The following C1R variants were observed in gnomAD, a reference collection of about 807,000 sequenced individuals.
The protein encoded by C1R is complement C1r, also known as complement C1r subcomponent.
A neutral mutation model predicts 27.6 loss-of-function variants in C1R; 15 were observed. That is an observed-to-expected ratio of 0.54 (90% CI 0.36 to 0.84). The LOEUF (loss-of-function observed/expected upper bound fraction) is 0.84, where lower values mean the gene tolerates loss of function less well. C1R is among the 40% of genes least tolerant of loss of function. C1R has a pLI of 0.01. For missense variants in C1R, 544 were observed against 577.9 expected (o/e 0.94, Z 0.60); for synonymous variants, 253 against 228.8 (o/e 1.11, Z -0.95).
At position 7,088,744 on chromosome 12, in the gene C1R, C is replaced by G. The variant is rs773019875; in HGVS notation, c.917-13G>C. 3.9e-6 allele frequency: 3 copies of G among 777,224 alleles called. No homozygotes were observed. The highest frequency in any genetic ancestry group is 7.2e-6 in the Non-Finnish European group (3 of 416,634). The allele number at this position is 777,224 out of a possible 1,614,324, so 48.1% of individuals were successfully genotyped here. The stretch of plus-strand genomic sequence containing the variant: ...GGGCACTTGATGACTGTTGGGGAGA[C>G]CAGGGGGCATATTTATTTCAGAGCC... On this transcript the variant is annotated splice_polypyrimidine_tract_variant and intron_variant, in intron 6 of 10. Transcript: ENST00000647956.
chr12:7,090,333 G>A (rs146676945), intron 2 of C1R, 85 bp from the exon 3 acceptor site: 21 of 655,768 alleles, frequency 3.2e-5, no homozygotes, highest in Non-Finnish European at 4.8e-5. Flanking sequence ...TCCTTGTCTC[G>A]CCCAGAGTGC....
At chr12:7,089,053 G>C (rs1405468463) in intron 5 of C1R, 67 bp from the exon 6 acceptor site, 12 of 661,548 alleles carry the variant, frequency 1.8e-5, no homozygotes, top group Non-Finnish European at 3.3e-5. Context: ...CTGGGTAGTA[G>C]CCTGGTGGCC....
At position 7,081,185 on chromosome 12, in the gene C1R, C is replaced by T. The variant is rs1479129907; in HGVS notation, c.1465G>A (p.Gly489Arg). ...ATCCAGCGGTCGCCCAGCAGGGCCC[C>T]GCCCCCGCGCCCGTGGATGTTGGTG... ...VFTNIHGRGG[G>R]ALLGDRWILT... is the part of the protein sequence containing the mutation. The change falls in exon 11 of 11, where the codon GGG (glycine) becomes AGG (arginine). Residue 489 changes from glycine to arginine, a missense_variant. Around this residue, in one of 2 missense-constraint regions of C1R, gnomAD observed 253 missense variants for 368.9 expected, o/e 0.69. Transcript: ENST00000647956. 6 of 1,613,660 alleles carry T rather than the reference C, an allele frequency of 3.7e-6. No homozygotes were observed. The South Asian group carries it at 4.4e-5, about 12-fold the overall frequency.
Position 7,087,366 on chromosome 12 carries a change from ACT to A in C1R, c.1039-911_1039-910del, listed in dbSNP as rs376325088. The A allele has an allele frequency of 9.2e-4, 142 of 154,306 alleles. 1 individual carries two copies. The East Asian group carries it at 0.013, about 14-fold the overall frequency. 9.6% of individuals were successfully genotyped at this position (154,306 alleles called of 1,614,324 possible). A position where few individuals can be genotyped will look rare whatever the true frequency, so the allele number is the denominator to read the frequency against. On this transcript the variant is annotated intron_variant, in intron 7 of 10. Coordinates refer to ENST00000647956, the MANE Select transcript of C1R (RefSeq NM_001733.7). ...GCCACTGCCTGGGTGACAGAGCAAG[ACT>A]CTCTCTCAAAAACAAAACAAGACAA...
rs1434574558 is a variant in C1R, at chr12:7,091,267, C to G, written c.231+185G>C. On this transcript the variant is annotated intron_variant, in intron 2 of 10. Coordinates refer to ENST00000647956, the MANE Select transcript of C1R (RefSeq NM_001733.7). This position sits in a 1 kb window ranked among gnomAD's most constrained non-coding sequence, Gnocchi z 5.1. ...CCTTCCTTCTCTGTGCTTCTCCCCT[C>G]AGTGCTCACCGAGGGCCTCTACACC... 1.7e-6 allele frequency: 1 copy of G among 594,056 alleles called. No homozygotes were observed. The highest frequency in any genetic ancestry group is 3.0e-6 in the Non-Finnish European group (1 of 338,186). 36.8% of individuals were successfully genotyped at this position (594,056 alleles called of 1,614,324 possible). A position where few individuals can be genotyped will look rare whatever the true frequency, so the allele number is the denominator to read the frequency against.
intron 10 of C1R, among the ~76,000 whole-genome samples, chr12:7,081,545 T>C (rs920365608): frequency 4.6e-5 from 7 of 152,056 alleles, no homozygotes; most frequent in African/African-American, 1.7e-4. Flanking sequence ...TAGGCTGGCA[T>C]GCAGTGGCGC....
Position 7,091,295 on chromosome 12 carries a change from T to C in C1R, c.231+157A>G, listed in dbSNP as rs2135745227. On this transcript the variant is annotated intron_variant, in intron 2 of 10. Coordinates refer to ENST00000647956, the MANE Select transcript of C1R (RefSeq NM_001733.7). This position sits in a 1 kb window ranked among gnomAD's most constrained non-coding sequence, Gnocchi z 5.1. ...TGCTCACCGAGGGCCTCTACACCAG[T>C]GAGCGCCCATCCAGGGCATCCCCGG... is the stretch of plus-strand genomic sequence containing the variant. 1.6e-6 allele frequency: 1 copy of C among 627,258 alleles called. No homozygotes were observed. Among genetic ancestry groups the C allele is most frequent in the Admixed American group, 2.9e-5 (1 of 34,328 alleles). 38.9% of individuals were successfully genotyped at this position (627,258 alleles called of 1,614,324 possible). A position where few individuals can be genotyped will look rare whatever the true frequency, so the allele number is the denominator to read the frequency against.
At chr12:7,092,225 G>A in intron 1 of C1R, 162 bp downstream of exon 1, 1 of 684,940 alleles carries the variant, frequency 1.5e-6, no homozygotes, top group Non-Finnish European at 2.7e-6. Context: ...TCCCTAGGAG[G>A]AGGGATGGGG....
At position 7,080,540 on chromosome 12, in the gene C1R, C is replaced by T; in HGVS notation, c.2110G>A (p.Glu704Lys). 1 of 1,563,794 alleles carries T rather than the reference C, an allele frequency of 6.4e-7. No homozygotes were observed. Among genetic ancestry groups the T allele is most frequent in the East Asian group, 2.3e-5 (1 of 44,392 alleles). The change falls in exon 11 of 11, where the codon GAG (glutamate) becomes AAG (lysine). Residue 704 changes from glutamate (E) to lysine (K), a missense_variant. By Grantham distance (56) the Glu-to-Lys change is moderately conservative. Around this residue, in one of 2 missense-constraint regions of C1R, gnomAD observed 253 missense variants for 368.9 expected, o/e 0.69. Transcript: ENST00000647956. This position sits in a 1 kb window ranked among gnomAD's most constrained non-coding sequence, Gnocchi z 4.9. ...VDWIKKEMEE[E>K]D ...CCTAGTGAATTCTGGGCTCAGTCCT[C>T]CTCCTCCATCTCTTTCTTGATCCAG... is the stretch of plus-strand genomic sequence containing the variant.
rs2135737258 is a variant in C1R, at chr12:7,080,950, A to G, written c.1700T>C (p.Val567Ala). The part of the protein sequence containing the change: ...DIALLELENS[V>A]TLGPNLLPIC... ...GGGGAGGAGGTTGGGACCCAGGGTG[A>G]CACTATTTTCCAGCTCCAGCAGGGC... The change falls in exon 11 of 11, where the codon GTC becomes GCC. Residue 567 changes from valine (V) to alanine (A), a missense_variant. This residue lies in a region of C1R where 253 missense variants were observed against 368.9 expected (regional missense o/e 0.69). Coordinates refer to ENST00000647956, the MANE Select transcript of C1R (RefSeq NM_001733.7). This position sits in a 1 kb window ranked among gnomAD's most constrained non-coding sequence, Gnocchi z 4.9. 2 of 1,613,320 alleles carry G rather than the reference A, an allele frequency of 1.2e-6. No individual in the cohort carries two copies. Among genetic ancestry groups the G allele is most frequent in the East Asian group, 4.5e-5 (2 of 44,864 alleles).
chr12:7,091,138 G>A lies in C1R; in HGVS notation c.231+314C>T. On this transcript the variant is annotated intron_variant, in intron 2 of 10. Transcript: ENST00000647956. This position sits in a 1 kb window ranked among gnomAD's most constrained non-coding sequence, Gnocchi z 5.1. The stretch of plus-strand genomic sequence containing the variant: ...ATGTCAATCATTTCCTTGGAGACAG[G>A]GAAGCTGAGGCACAGTGGTTTCCCA... 1 of 347,932 alleles carries A rather than the reference G, an allele frequency of 2.9e-6. No homozygotes were observed. Among genetic ancestry groups the A allele is most frequent in the Non-Finnish European group, 5.3e-6 (1 of 189,810 alleles). 21.6% of individuals were successfully genotyped at this position (347,932 alleles called of 1,614,324 possible).
At chr12:7,082,004 A>G (rs1453319193) in intron 10 of C1R, 28 bp downstream of exon 10, 2 of 1,533,440 alleles carry the variant, frequency 1.3e-6, no homozygotes, top group Non-Finnish European at 1.7e-6. Context: ...AAAGACCCTG[A>G]TGATGGCCCC....
intron 2 of C1R, 175 bp from the exon 3 acceptor site, chr12:7,090,423 G>C (rs1938249403): frequency 1.0e-5 from 6 of 599,742 alleles, no homozygotes; most frequent in East Asian, 2.8e-5. Context: ...ACTTTCAGCT[G>C]TTCCCTGAGT....
At chr12:7,088,787 C>A in intron 6 of C1R, 52 bp downstream of exon 6, 1 of 774,272 alleles carries the variant, frequency 1.3e-6, no homozygotes, top group Non-Finnish European at 2.4e-6. Flanking sequence ...CTTCCTTCTT[C>A]CCCCCTTTTC....
intron 2 of C1R, 103 bp from the exon 3 acceptor site, chr12:7,090,351 A>G: frequency 1.6e-6 from 1 of 635,140 alleles, no homozygotes; most frequent in Non-Finnish European, 2.9e-6. Context: ...TGCATCATGC[A>G]CCACAATGGC....
In C1R at chr12:7,091,244, T is replaced by G; in HGVS notation, c.231+208A>C. 1.8e-6 allele frequency: 1 copy of G among 567,476 alleles called. No homozygotes were observed. Among genetic ancestry groups the G allele is most frequent in the South Asian group, 2.3e-5 (1 of 42,844 alleles). The allele number at this position is 567,476 out of a possible 1,614,324, so 35.2% of individuals were successfully genotyped here. The stretch of plus-strand genomic sequence containing the variant: ...AATTTCCTGAGTGGGTCCTGTCCCC[T>G]TCCTTCTCTGTGCTTCTCCCCTCAG... On this transcript the variant is annotated intron_variant, in intron 2 of 10. Coordinates refer to ENST00000647956, the MANE Select transcript of C1R (RefSeq NM_001733.7). The surrounding 1 kb of genome is among the most constrained non-coding windows in gnomAD (Gnocchi z 5.1).
In C1R at chr12:7,091,378, G is replaced by T. The variant is rs1358123219; in HGVS notation, c.231+74C>A. 4.3e-6 allele frequency: 3 copies of T among 702,216 alleles called. No individual in the cohort carries two copies. In the South Asian group the frequency reaches 4.6e-5, roughly 11 times the overall value. The allele number at this position is 702,216 out of a possible 1,614,324, so 43.5% of individuals were successfully genotyped here. On this transcript the variant is annotated intron_variant, in intron 2 of 10. Transcript: ENST00000647956. The surrounding 1 kb of genome is among the most constrained non-coding windows in gnomAD (Gnocchi z 5.1). The stretch of plus-strand genomic sequence containing the variant: ...GTGGGGCTGGGCTGTGTCTGGGGGT[G>T]TGCATGCCATACAGATCCCAGATCC...
In C1R at chr12:7,091,999, G is replaced by A. The variant is rs1199395761; in HGVS notation, c.3-319C>T. 1.9e-5 allele frequency: 11 copies of A among 571,254 alleles called. No individual in the cohort carries two copies. Among genetic ancestry groups the A allele is most frequent in the Middle Eastern group, 9.6e-4 (2 of 2,094 alleles). 35.4% of individuals were successfully genotyped at this position (571,254 alleles called of 1,614,324 possible). A position where few individuals can be genotyped will look rare whatever the true frequency, so the allele number is the denominator to read the frequency against. ...CAGGAATAGGACTGGCTTGGGACCA[G>A]TTAATGGAGGGTGAGGGTTTCCACC... On this transcript the variant is annotated intron_variant, in intron 1 of 10. Coordinates refer to ENST00000647956, the MANE Select transcript of C1R (RefSeq NM_001733.7). This position sits in a 1 kb window ranked among gnomAD's most constrained non-coding sequence, Gnocchi z 5.1.
At chr12:7,083,405 G>C (rs1938100684) in intron 9 of C1R, among the ~76,000 whole-genome samples, 1 of 152,208 alleles carries the variant, frequency 6.6e-6, no homozygotes, top group East Asian at 1.9e-4. Context: ...GTTAGTAATA[G>C]TGGTGGTGAT....
Sources: allele counts gnomAD v4.1 joint callset (sites outside exome capture counted in the v4.1 genomes callset), GRCh38; gene constraint gnomAD v4.1.1; regional missense constraint gnomAD v4.1.1; non-coding constraint Gnocchi (gnomAD v3.1); transcripts MANE v1.5; gene names NCBI Gene and HGNC (gene_info 2026-07-23, HGNC 2026-07-21).